SCHIP1: variants seen among roughly 807,000 people sequenced by gnomAD.
SCHIP1 encodes schwannomin interacting protein 1.
SCHIP1 carries 8 observed loss-of-function variants against 29.7 expected under a neutral mutation model. The ratio of observed to expected loss-of-function variants is 0.27; its 90% CI spans 0.16 to 0.49. The LOEUF is 0.49. SCHIP1 is among the 20% of genes least tolerant of loss of function. The pLI is 0.99. For missense variants in SCHIP1, 193 were observed against 294.6 expected, an observed-to-expected ratio of 0.66 and a Z score of 2.52; for synonymous variants, 76 against 94.9, an observed-to-expected ratio of 0.80 and a Z score of 1.16.
At chr3:159,601,977 G>A in the SCHIP1 span, among the ~76,000 whole-genome samples, 19 of 152,304 alleles carry the variant, frequency 1.2e-4, no homozygotes, top group South Asian at 3.7e-3. Flanking sequence ...ACCCGTTTAG[G>A]TCTCATAGGG....
At chr3:159,691,314 G>C in the SCHIP1 span, among the ~76,000 whole-genome samples, 1 of 151,210 alleles carries the variant, frequency 6.6e-6, no homozygotes, top group African/African-American at 2.4e-5. Flanking sequence ...AGCTCTTCTT[G>C]TTGCACTTAT....
chr3:159,641,916 C>A, the SCHIP1 span, among the ~76,000 whole-genome samples: 2 of 152,110 alleles, frequency 1.3e-5, no homozygotes, highest in South Asian at 4.1e-4. Context: ...TGATTTTCAT[C>A]ACTTTTGATC....
chr3:159,764,484 C>A, the SCHIP1 span: 1 of 1,543,070 alleles, frequency 6.5e-7, no homozygotes, highest in East Asian at 2.4e-5. The surrounding 1 kb of genome is among the most constrained non-coding windows in gnomAD (Gnocchi z 6.1). Context: ...GTGACGCCGG[C>A]AGCAGCAGCA....
At chr3:159,503,798 C>A in the SCHIP1 span, among the ~76,000 whole-genome samples, 1 of 152,152 alleles carries the variant, frequency 6.6e-6, no homozygotes, top group Non-Finnish European at 1.5e-5. Context: ...TTAGAGAAAC[C>A]TCCAGAGTCA....
the SCHIP1 span, among the ~76,000 whole-genome samples, chr3:159,416,981 A>G: frequency 6.6e-6 from 1 of 152,226 alleles, no homozygotes; most frequent in African/African-American, 2.4e-5. Flanking sequence ...GTCAGACACT[A>G]TCACATTTTA....
chr3:159,866,024 T>C, intron 1 of SCHIP1, 139 bp from the exon 3 acceptor site: 1 of 736,134 alleles, frequency 1.4e-6, no homozygotes. Context: ...TTTTAATAAT[T>C]CAAATACTCT....
the SCHIP1 span, among the ~76,000 whole-genome samples, chr3:159,327,871 G>T: frequency 6.6e-6 from 1 of 152,288 alleles, no homozygotes; most frequent in Admixed American, 6.5e-5. Context: ...TTCAAGCCAG[G>T]CCTGGAGGGT....
chr3:159,405,888 A>G, the SCHIP1 span, among the ~76,000 whole-genome samples: 1 of 151,582 alleles, frequency 6.6e-6, no homozygotes, highest in Non-Finnish European at 1.5e-5. Context: ...GTCAAAAAAA[A>G]AAAAAAAGAA....
chr3:159,445,398 G>A, the SCHIP1 span, among the ~76,000 whole-genome samples: 1 of 151,144 alleles, frequency 6.6e-6, no homozygotes, highest in Admixed American at 6.6e-5. Context: ...AGAGGATGTG[G>A]AGAAATAGGA....
the SCHIP1 span, among the ~76,000 whole-genome samples, chr3:159,828,958 G>GC: frequency 6.6e-6 from 1 of 152,222 alleles, no homozygotes; most frequent in East Asian, 1.9e-4. Flanking sequence ...CTTAGCCCTG[G>GC]CAAATTTATA....
rs561940858 is a variant in SCHIP1, at chr3:159,879,027, C to G, written c.150-7180C>G. On this transcript the variant is annotated intron_variant, in intron 2 of 6. Transcript: ENST00000445224. ...TAGCATAGGTACTGTTTTTAGCCTTCTTTCTTTTACTTAACAGTCGGAAAC... is the reference window on the plus strand; with the variant it reads ...TAGCATAGGTACTGTTTTTAGCCTTGTTTCTTTTACTTAACAGTCGGAAAC... Among the ~76,000 whole-genome samples, 14 of 151,008 alleles carry G rather than the reference C, an allele frequency of 9.3e-5. No homozygotes were observed. The East Asian group carries it at 2.5e-3, about 27-fold the overall frequency.
chr3:159,700,297 T>C, the SCHIP1 span, among the ~76,000 whole-genome samples: 2 of 152,218 alleles, frequency 1.3e-5, no homozygotes, highest in Non-Finnish European at 2.9e-5. Context: ...GGACAAGTGA[T>C]GCAGTTTCTC....
At chr3:159,808,985 CT>C in the SCHIP1 span, among the ~76,000 whole-genome samples, 186 of 138,168 alleles carry the variant, frequency 1.3e-3, 2 homozygotes, top group African/African-American at 2.5e-3. Context: ...TTTTTTCTTT[CT>C]TTTTTTTTTT....
the SCHIP1 span, among the ~76,000 whole-genome samples, chr3:159,624,773 C>T: frequency 2.0e-5 from 3 of 152,106 alleles, no homozygotes; most frequent in Non-Finnish European, 4.4e-5. Flanking sequence ...TCCAGGGCCC[C>T]AAGGAAGAAC....
the SCHIP1 span, among the ~76,000 whole-genome samples, chr3:159,479,825 A>G: frequency 6.6e-5 from 10 of 152,214 alleles, no homozygotes; most frequent in African/African-American, 2.4e-4. Flanking sequence ...GTGAACTAAT[A>G]TGCACTCATG....
At chr3:159,417,673 CCTGT>C in the SCHIP1 span, among the ~76,000 whole-genome samples, 1 of 152,214 alleles carries the variant, frequency 6.6e-6, no homozygotes. Flanking sequence ...TTCACTCCTT[CCTGT>C]AACTTTGCAG....
chr3:159,454,060 C>G, the SCHIP1 span, among the ~76,000 whole-genome samples: 2 of 152,180 alleles, frequency 1.3e-5, no homozygotes, highest in Non-Finnish European at 2.9e-5. Context: ...GTTGCTTAGA[C>G]TCTCAAAATT....
chr3:159,444,912 G>T, the SCHIP1 span, among the ~76,000 whole-genome samples: 3 of 152,122 alleles, frequency 2.0e-5, no homozygotes, highest in African/African-American at 7.2e-5. Context: ...TGAGCTGGGG[G>T]AACATTAGAA....
the SCHIP1 span, among the ~76,000 whole-genome samples, chr3:159,381,564 C>G: frequency 6.6e-6 from 1 of 152,018 alleles, no homozygotes; most frequent in South Asian, 2.1e-4. Flanking sequence ...ACAGTTACAC[C>G]CTGGTCTCAG....
Sources: allele counts gnomAD v4.1 joint callset (sites outside exome capture counted in the v4.1 genomes callset), GRCh38; gene constraint gnomAD v4.1.1; non-coding constraint Gnocchi (gnomAD v3.1); transcripts MANE v1.5; gene names NCBI Gene and HGNC (gene_info 2026-07-23, HGNC 2026-07-21).